Variants in INTS8 observed in about 807,000 individuals in gnomAD.
INTS8 encodes protein kaonashi-1.
In INTS8, 47 loss-of-function variants were observed where a neutral mutation model predicts 138.9. The observed-to-expected ratio is 0.34, with a 90% CI of 0.27 to 0.43. The LOEUF (loss-of-function observed/expected upper bound fraction) is 0.43. Ranked by LOEUF, INTS8 falls within the 20% of genes least tolerant of loss-of-function variation. The pLI is 1.00. For synonymous variants in INTS8, 392 were observed against 400.9 expected (o/e 0.98, Z 0.27); for missense variants, 996 against 1,173.0 (o/e 0.85, Z 2.20).
intron 5 of INTS8, among the ~76,000 whole-genome samples, chr8:94,831,560 C>T (rs939493955): frequency 8.1e-5 from 12 of 148,818 alleles, no homozygotes; most frequent in East Asian, 2.0e-4. Flanking sequence ...TGGCTCACTG[C>T]GACCTCCACC....
At chr8:94,855,389 T>C (rs1014596509) in intron 14 of INTS8, among the ~76,000 whole-genome samples, 20 of 151,788 alleles carry the variant, frequency 1.3e-4, no homozygotes, top group Middle Eastern at 3.2e-3. Context: ...TTTATACTTA[T>C]AGAATCTCAA....
At chr8:94,854,593 A>G (rs1325030267) in intron 14 of INTS8, among the ~76,000 whole-genome samples, 2 of 152,252 alleles carry the variant, frequency 1.3e-5, no homozygotes, top group African/African-American at 2.4e-5. Context: ...GTTAAATCAC[A>G]TAAGATAGTG....
intron 15 of INTS8, among the ~76,000 whole-genome samples, chr8:94,858,558 G>A (rs546648432): frequency 6.6e-6 from 1 of 152,328 alleles, no homozygotes; most frequent in African/African-American, 2.4e-5. Context: ...AATGTTTGTT[G>A]AGTGCTAACT....
At position 94,866,149 on chromosome 8, in the gene INTS8, G is replaced by T; in HGVS notation, c.2262-9G>T. On this transcript the variant is annotated splice_polypyrimidine_tract_variant and intron_variant, in intron 17 of 26. Coordinates refer to ENST00000523731, the MANE Select transcript of INTS8 (RefSeq NM_017864.4). ...ATTAAATGTGTATTCAAAAATTTTTGTTTTGTAGGAGTGAACTGCTTTCTT... is the reference window on the plus strand; with the variant it reads ...ATTAAATGTGTATTCAAAAATTTTTTTTTTGTAGGAGTGAACTGCTTTCTT... The T allele has an allele frequency of 8.3e-7, 1 of 1,207,198 alleles. No individual in the cohort carries two copies. The highest frequency in any genetic ancestry group is 1.4e-5 in the South Asian group (1 of 72,160). 74.8% of individuals were successfully genotyped at this position (1,207,198 alleles called of 1,614,324 possible).
Position 94,880,155 on chromosome 8 carries a change from A to G in INTS8, c.2909A>G (p.Asn970Ser). The change falls in exon 27 of 27, where the codon AAT becomes AGT. Residue 970 changes from asparagine to serine, a missense_variant. By Grantham distance (46) the Asn-to-Ser change is conservative. Transcript: ENST00000523731. ...AIGQTELNAS[N>S]PEEVLQLAAQ... ...GGCCAGACAGAGTTGAATGCAAGCAATCCAGAAGAAGTGTTACAGCTGGCA... is the reference window on the plus strand; with the variant it reads ...GGCCAGACAGAGTTGAATGCAAGCAGTCCAGAAGAAGTGTTACAGCTGGCA... 6.2e-7 allele frequency: 1 copy of G among 1,612,404 alleles called. No individual in the cohort carries two copies. Among genetic ancestry groups the G allele is most frequent in the Non-Finnish European group, 8.5e-7 (1 of 1,179,526 alleles).
intron 12 of INTS8, among the ~76,000 whole-genome samples, chr8:94,850,524 A>G (rs932624133): frequency 6.6e-6 from 1 of 151,400 alleles, no homozygotes; most frequent in Non-Finnish European, 1.5e-5. Flanking sequence ...AGGTAGGAGA[A>G]TGGCGTGAAC....
intron 5 of INTS8, among the ~76,000 whole-genome samples, chr8:94,829,997 G>A (rs1041134516): frequency 1.3e-5 from 2 of 152,132 alleles, no homozygotes; most frequent in Admixed American, 6.5e-5. Flanking sequence ...CCTGCTTCAA[G>A]CAATTTTCCT....
At chr8:94,872,434 A>G (rs370797642) in intron 21 of INTS8, among the ~76,000 whole-genome samples, 3 of 152,166 alleles carry the variant, frequency 2.0e-5, no homozygotes, top group African/African-American at 7.2e-5. Flanking sequence ...GGTTTTCGCC[A>G]TGTTGGCCAG....
In INTS8 at chr8:94,849,771, A is replaced by T. The variant is rs1033307817; in HGVS notation, c.1332-145A>T. The T allele has an allele frequency of 1.7e-4, 106 of 622,940 alleles. No homozygotes were observed. The African/African-American group carries it at 1.7e-3, about 10-fold the overall frequency. 38.6% of individuals were successfully genotyped at this position (622,940 alleles called of 1,614,324 possible). A position where few individuals can be genotyped will look rare whatever the true frequency, so the allele number is the denominator to read the frequency against. On this transcript the variant is annotated intron_variant, in intron 11 of 26. Transcript: ENST00000523731. ...CAATTTTAAATAAGGACCAAAGGGA[A>T]ATTTTAAAATCTATTTTAAAATATC...
intron 15 of INTS8, among the ~76,000 whole-genome samples, chr8:94,857,605 A>C (rs1339151595): frequency 2.0e-5 from 3 of 152,166 alleles, no homozygotes; most frequent in African/African-American, 7.2e-5. Context: ...CAAAGGCTCC[A>C]AGAAAGACTC....
At chr8:94,861,864 T>G (rs1229438057) in intron 16 of INTS8, among the ~76,000 whole-genome samples, 2 of 151,930 alleles carry the variant, frequency 1.3e-5, no homozygotes, top group Non-Finnish European at 2.9e-5. Context: ...CCCTTTTTGT[T>G]ATCTTTACAC....
At chr8:94,878,751 T>G (rs1373152158) in intron 26 of INTS8, among the ~76,000 whole-genome samples, 1 of 152,210 alleles carries the variant, frequency 6.6e-6, no homozygotes, top group Non-Finnish European at 1.5e-5. Context: ...CCATCACTGC[T>G]CTTACTTTTC....
chr8:94,879,036 C>T (rs188602943), intron 26 of INTS8, among the ~76,000 whole-genome samples: 5 of 152,306 alleles, frequency 3.3e-5, no homozygotes, highest in African/African-American at 1.2e-4. Flanking sequence ...TTACTGTCCA[C>T]ATGGGGTGTA....
At chr8:94,868,718 T>C (rs1055773299) in intron 20 of INTS8, 1 of 152,248 alleles carries the variant, frequency 6.6e-6, no homozygotes, top group African/African-American at 2.4e-5. Context: ...TCGCCCAGGC[T>C]GGAGTGCAGT....
chr8:94,861,050 C>CT (rs1282120673), intron 16 of INTS8, among the ~76,000 whole-genome samples: 2 of 124,204 alleles, frequency 1.6e-5, no homozygotes, highest in South Asian at 2.5e-4. Flanking sequence ...GAGTGAGACT[C>CT]TGTCTCAAAA....
intron 16 of INTS8, among the ~76,000 whole-genome samples, chr8:94,862,477 A>C (rs1486917534): frequency 6.6e-6 from 1 of 152,200 alleles, no homozygotes; most frequent in Admixed American, 6.5e-5. Context: ...GGAGCTGTGC[A>C]CCAGGAGAGA....
At chr8:94,827,616 CAATT>C (rs746664328) in intron 3 of INTS8, 102 bp from the exon 4 acceptor site, 16 of 1,075,290 alleles carry the variant, frequency 1.5e-5, no homozygotes, top group South Asian at 5.5e-5. Flanking sequence ...TACCATGTGT[CAATT>C]AATGCTTCAT....
At chr8:94,829,746 G>T (rs1238241046) in intron 5 of INTS8, among the ~76,000 whole-genome samples, 1 of 152,128 alleles carries the variant, frequency 6.6e-6, no homozygotes, top group Non-Finnish European at 1.5e-5. Context: ...TTTAATAGTA[G>T]AGTACTACTG....
intron 10 of INTS8, among the ~76,000 whole-genome samples, chr8:94,847,002 T>C (rs908639665): frequency 6.6e-6 from 1 of 151,910 alleles, no homozygotes; most frequent in Non-Finnish European, 1.5e-5. Context: ...ATATGAAGAT[T>C]TTTTTTCTAC....
Sources: gnomAD v4.1 joint callset for allele counts (sites outside exome capture counted in the v4.1 genomes callset) on GRCh38, gnomAD v4.1.1 for gene constraint, MANE v1.5 for transcripts, NCBI Gene and HGNC (gene_info 2026-07-23, HGNC 2026-07-21) for gene names.